Variants in IRS1 observed in about 807,000 individuals in gnomAD.
IRS1 encodes insulin receptor substrate 1.
IRS1 carries 34 observed loss-of-function variants against 65.6 expected under a neutral mutation model. The observed-to-expected ratio is 0.52, with a 90% CI of 0.39 to 0.69. The LOEUF (loss-of-function observed/expected upper bound fraction) is 0.69, where lower values mean the gene tolerates loss of function less well. Among genes scored for constraint, IRS1 ranks in the 30% least tolerant of loss-of-function variants. The pLI, the probability that IRS1 is intolerant of heterozygous loss-of-function variation, is 0.00. For synonymous variants in IRS1, 699 were observed against 683.5 expected, an observed-to-expected ratio of 1.02 and a Z score of -0.35; for missense variants, 1,641 against 1,720.2, an observed-to-expected ratio of 0.95 and a Z score of 0.81.
chr2:226,742,713 G>GGAA (rs889878007), intron 1 of IRS1, among the ~76,000 whole-genome samples: 2 of 124,598 alleles, frequency 1.6e-5, no homozygotes, highest in African/African-American at 5.6e-5. Context: ...CACGCATTAT[G>GGAA]AAAAAAAAAA....
rs1001901784 is a variant in IRS1, at chr2:226,763,470, C to T, written c.*22-27220G>A. Among the ~76,000 whole-genome samples the T allele has an allele frequency of 2.6e-5, 4 of 152,284 alleles. No homozygotes were observed. In the East Asian group the frequency reaches 7.7e-4, roughly 29 times the overall value. On this transcript the variant is annotated intron_variant, in intron 1 of 1. Transcript: ENST00000305123. Reference sequence around the variant, plus strand: ...ACATCTCAGATCCTGGTGGTTACCCCCTTTGAATGCCAACGTGAAAATGAA... The same window carrying T: ...ACATCTCAGATCCTGGTGGTTACCCTCTTTGAATGCCAACGTGAAAATGAA...
chr2:226,772,924 T>C (rs1037565036), intron 1 of IRS1, among the ~76,000 whole-genome samples: 2 of 152,170 alleles, frequency 1.3e-5, no homozygotes, highest in African/African-American at 4.8e-5. Context: ...GATCTTCAGC[T>C]GTCAGCTGAA....
chr2:226,777,704 G>T (rs908164576), intron 1 of IRS1, among the ~76,000 whole-genome samples: 4 of 152,140 alleles, frequency 2.6e-5, no homozygotes, highest in Non-Finnish European at 5.9e-5. Context: ...AAAAACGGGG[G>T]TTTCTCTGCA....
chr2:226,755,958 T>C (rs1378318105), intron 1 of IRS1, among the ~76,000 whole-genome samples: 1 of 152,242 alleles, frequency 6.6e-6, no homozygotes, highest in East Asian at 1.9e-4. Context: ...GTTTGTAACA[T>C]ATTCAAGAGA....
At chr2:226,757,319 A>C (rs1441422467) in intron 1 of IRS1, among the ~76,000 whole-genome samples, 1 of 152,178 alleles carries the variant, frequency 6.6e-6, no homozygotes, top group Non-Finnish European at 1.5e-5. Context: ...CTCCATGAGA[A>C]ACAGTCTTGT....
intron 1 of IRS1, among the ~76,000 whole-genome samples, chr2:226,744,540 C>T (rs758024859): frequency 3.3e-5 from 5 of 152,180 alleles, no homozygotes; most frequent in Non-Finnish European, 7.3e-5. Context: ...TGTTAGGAAC[C>T]GGGCTCCACA....
At chr2:226,769,349 C>T (rs139674579) in intron 1 of IRS1, among the ~76,000 whole-genome samples, 1 of 152,310 alleles carries the variant, frequency 6.6e-6, no homozygotes, top group Non-Finnish European at 1.5e-5. Context: ...GAACTCAGGA[C>T]AGTCCAGGTT....
Position 226,796,890 on chromosome 2 carries a change from G to A in IRS1, c.1849C>T (p.Pro617Ser). 1 of 1,540,350 alleles carries A rather than the reference G, an allele frequency of 6.5e-7. No individual in the cohort carries two copies. ...CCACTGGGCACTGGGGCCACCCCTG[G>A]GGACATGGGCATGTAGCCATCATCC... is the stretch of plus-strand genomic sequence containing the variant. ...HTDDGYMPMSPGVAPVPSGRK... is the reference protein window; with the variant it reads ...HTDDGYMPMSSGVAPVPSGRK... The change falls in exon 1 of 2, where the codon CCA (proline) becomes TCA (serine). Residue 617 changes from proline (P) to serine (S), a missense_variant. By Grantham distance (74) the Pro-to-Ser change is moderately conservative. Transcript: ENST00000305123.
rs367797493 is a variant in IRS1, at chr2:226,795,017, C to T, written c.3722G>A (p.Arg1241His). 72 of 1,612,566 alleles carry T rather than the reference C, an allele frequency of 4.5e-5. 1 individual carries two copies. The South Asian group carries it at 5.6e-4, about 13-fold the overall frequency. The change falls in exon 1 of 2, where the codon CGT (arginine) becomes CAT (histidine). Residue 1241 changes from arginine to histidine, a missense_variant. By Grantham distance (29) the Arg-to-His change is conservative. Coordinates refer to ENST00000305123, the MANE Select transcript of IRS1 (RefSeq NM_005544.3). The part of the protein sequence containing the change: ...SISFQKQPED[R>H]Q ...CTGTGATGTCCAGTTGAGCTACTGA[C>T]GGTCCTCTGGCTGCTTCTGGAAACT...
chr2:226,769,199 C>T (rs781207066), intron 1 of IRS1, among the ~76,000 whole-genome samples: 5 of 152,156 alleles, frequency 3.3e-5, no homozygotes, highest in South Asian at 2.1e-4. Context: ...TCTTAAAGCA[C>T]GGAATACATG....
chr2:226,798,866 G>A lies in IRS1; in HGVS notation c.-128C>T. The A allele has an allele frequency of 6.5e-7, 1 of 1,529,730 alleles. No individual in the cohort carries two copies. Among genetic ancestry groups the A allele is most frequent in the Non-Finnish European group, 8.8e-7 (1 of 1,135,500 alleles). The allele number at this position is 1,529,730 out of a possible 1,614,324, so 94.8% of individuals were successfully genotyped here. A position where few individuals can be genotyped will look rare whatever the true frequency, so the allele number is the denominator to read the frequency against. ...TGGAGGCAGCAGAAACCCCGACTCT[G>A]AAATCCACGCCGCCCCCCGCGCCGG... On this transcript the variant is annotated 5_prime_UTR_variant, in exon 1 of 2. Coordinates refer to ENST00000305123, the MANE Select transcript of IRS1 (RefSeq NM_005544.3). The surrounding 1 kb of genome is among the most constrained non-coding windows in gnomAD (Gnocchi z 9.4).
chr2:226,756,282 G>A (rs538054908), intron 1 of IRS1, among the ~76,000 whole-genome samples: 7 of 152,242 alleles, frequency 4.6e-5, no homozygotes, highest in African/African-American at 1.4e-4. Flanking sequence ...ATCTGGTATC[G>A]CTGACCTCAC....
chr2:226,745,443 G>A (rs868810586), intron 1 of IRS1, among the ~76,000 whole-genome samples: 1 of 152,300 alleles, frequency 6.6e-6, no homozygotes, highest in Middle Eastern at 3.4e-3. Flanking sequence ...TTTAAAGACT[G>A]ATAATTTTGT....
At chr2:226,784,392 C>A (rs1386380579) in intron 1 of IRS1, among the ~76,000 whole-genome samples, 1 of 151,984 alleles carries the variant, frequency 6.6e-6, no homozygotes, top group African/African-American at 2.4e-5. Context: ...GATTCTAATT[C>A]AAATGTTTTT....
intron 1 of IRS1, among the ~76,000 whole-genome samples, chr2:226,748,538 T>C (rs1938605254): frequency 6.6e-6 from 1 of 151,554 alleles, no homozygotes; most frequent in South Asian, 2.1e-4. Context: ...ATAAATCCAC[T>C]AAATTTATTC....
intron 1 of IRS1, among the ~76,000 whole-genome samples, chr2:226,773,873 TC>T (rs1939213043): frequency 6.6e-6 from 1 of 152,220 alleles, no homozygotes; most frequent in African/African-American, 2.4e-5. Flanking sequence ...TAGTAAAGGT[TC>T]AAAAGTACTT....
chr2:226,792,785 AGC>A (rs1939636027), intron 1 of IRS1, among the ~76,000 whole-genome samples: 1 of 151,984 alleles, frequency 6.6e-6, no homozygotes, highest in Non-Finnish European at 1.5e-5. Context: ...TCGGAGCAGA[AGC>A]TGTTTGCCAC....
intron 1 of IRS1, among the ~76,000 whole-genome samples, chr2:226,761,262 T>C (rs1938909388): frequency 6.6e-6 from 1 of 152,236 alleles, no homozygotes; most frequent in South Asian, 2.1e-4. Context: ...AATTCAGCTT[T>C]CTAAAACAAC....
At chr2:226,777,314 A>T (rs997054755) in intron 1 of IRS1, among the ~76,000 whole-genome samples, 1 of 152,230 alleles carries the variant, frequency 6.6e-6, no homozygotes, top group Non-Finnish European at 1.5e-5. Flanking sequence ...GAAATAAAAA[A>T]GTGTATTTTA....
Sources: gnomAD v4.1 joint callset for allele counts (sites outside exome capture counted in the v4.1 genomes callset) on GRCh38, gnomAD v4.1.1 for gene constraint, Gnocchi (gnomAD v3.1) non-coding constraint, MANE v1.5 for transcripts, NCBI Gene and HGNC (gene_info 2026-07-23, HGNC 2026-07-21) for gene names.